LOXL2: variants seen among roughly 807,000 people sequenced by gnomAD.
LOXL2 encodes the protein lysyl oxidase like 2, also known as lysyl oxidase homolog 2.
In LOXL2, 70 loss-of-function variants were observed where a neutral mutation model predicts 93.0. The ratio of observed to expected loss-of-function variants is 0.75; its 90% CI spans 0.62 to 0.92. LOXL2 has a LOEUF of 0.92. Among genes scored for constraint, LOXL2 ranks in the 40% least tolerant of loss-of-function variants. The probability of loss-of-function intolerance (pLI) is 0.00; values close to 1 mark genes in which losing one functional copy is unlikely to be tolerated. For missense variants in LOXL2, 973 were observed against 1,054.9 expected (o/e 0.92, Z 1.08); for synonymous variants, 438 against 413.2 (o/e 1.06, Z -0.73).
chr8:23,349,026 T>C (rs1301113519), intron 3 of LOXL2, among the ~76,000 whole-genome samples: 1 of 152,086 alleles, frequency 6.6e-6, no homozygotes, highest in African/African-American at 2.4e-5. Flanking sequence ...CATCGAGTCA[T>C]TGAGGGATGC....
Position 23,322,166 on chromosome 8 carries a change from C to T in LOXL2, c.1266G>A (p.Val422=). 6.2e-7 allele frequency: 1 copy of T among 1,614,242 alleles called. No homozygotes were observed. The highest frequency in any genetic ancestry group is 8.5e-7 in the Non-Finnish European group (1 of 1,180,040). Residue 422 remains valine (V), a synonymous_variant, in exon 7 of 14, where the codon GTG becomes GTA. Transcript: ENST00000389131. Reference sequence around the variant, plus strand: ...AGCCCATGGCAGGGGTGTTGCATCTCACACCAGCATCCTCCTCGTGGTTGC... The same window carrying T: ...AGCCCATGGCAGGGGTGTTGCATCTTACACCAGCATCCTCCTCGTGGTTGC... ...QGCNHEEDAG[V]RCNTPAMGLQ... is the part of the protein sequence containing the mutation.
Position 23,317,407 on chromosome 8 carries a change from C to T in LOXL2, c.1471-293G>A, listed in dbSNP as rs116596249. 7.7e-3 allele frequency among the ~76,000 whole-genome samples: 1,175 copies of T among 152,262 alleles called. 17 individuals carry two copies. The highest frequency in any genetic ancestry group is 0.027 in the African/African-American group (1,120 of 41,548). Reference sequence around the variant, plus strand: ...CTGTGTGTCAGGAATGGCAGGTGCACACAACTCAGGTTGCCCACTCCCCAG... The same window carrying T: ...CTGTGTGTCAGGAATGGCAGGTGCATACAACTCAGGTTGCCCACTCCCCAG... On this transcript the variant is annotated intron_variant, in intron 8 of 13. Transcript: ENST00000389131.
rs778870446 is a variant in LOXL2, at chr8:23,368,123, C to T, written c.229G>A (p.Asp77Asn). The change falls in exon 2 of 14, where the codon GAT becomes AAT. Residue 77 changes from aspartate (D) to asparagine (N), a missense_variant. Transcript: ENST00000389131. The stretch of plus-strand genomic sequence containing the variant: ...TCGCACACGGTGCCCCACTGGCCAT[C>T]ATAGTACACCTCCACCCGGCCCTCG... ...HSEGRVEVYY[D>N]GQWGTVCDDD... 1.2e-6 allele frequency: 2 copies of T among 1,614,150 alleles called. No homozygotes were observed. The highest frequency in any genetic ancestry group is 4.5e-5 in the East Asian group (2 of 44,878).
At chr8:23,314,623 T>A (rs1357050785) in intron 9 of LOXL2, among the ~76,000 whole-genome samples, 2 of 151,032 alleles carry the variant, frequency 1.3e-5, no homozygotes, top group African/African-American at 2.4e-5. Flanking sequence ...AAGGGGAACA[T>A]CACACTCTGG....
At chr8:23,340,120 A>G (rs1296586275) in intron 4 of LOXL2, among the ~76,000 whole-genome samples, 4 of 152,202 alleles carry the variant, frequency 2.6e-5, no homozygotes, top group African/African-American at 9.7e-5. Flanking sequence ...TCCAGAGGCC[A>G]GGGTGTGCGT....
intron 1 of LOXL2, among the ~76,000 whole-genome samples, chr8:23,389,744 A>T (rs1317667816): frequency 1.3e-5 from 2 of 152,158 alleles, no homozygotes; most frequent in Non-Finnish European, 1.5e-5. Flanking sequence ...TAATATGAGT[A>T]TGTGGGGCAT....
chr8:23,331,401 T>A (rs1803674827), intron 5 of LOXL2: 1 of 152,160 alleles, frequency 6.6e-6, no homozygotes, highest in Non-Finnish European at 1.5e-5. Flanking sequence ...CCTGCCAAGG[T>A]GATGATTACT....
chr8:23,383,683 C>CA (rs1309219025), intron 1 of LOXL2, among the ~76,000 whole-genome samples: 2 of 112,766 alleles, frequency 1.8e-5, no homozygotes, highest in East Asian at 5.6e-4. Flanking sequence ...TTTTTTGAGA[C>CA]AGAGTCTTGC....
chr8:23,402,991 T>A (rs1314137462), intron 1 of LOXL2, among the ~76,000 whole-genome samples: 1 of 151,964 alleles, frequency 6.6e-6, no homozygotes, highest in Non-Finnish European at 1.5e-5. Context: ...GCACTCCGGC[T>A]GTTTTTTGAT....
chr8:23,386,100 C>T lies in LOXL2; in HGVS notation c.-83-17666G>A, dbSNP rs576728789. 3.6e-5 allele frequency: 27 copies of T among 758,376 alleles called. 1 individual carries two copies. In the East Asian group the frequency reaches 6.6e-4, roughly 18 times the overall value. The allele number at this position is 758,376 out of a possible 1,614,324, so 47.0% of individuals were successfully genotyped here. A position where few individuals can be genotyped will look rare whatever the true frequency, so the allele number is the denominator to read the frequency against. On this transcript the variant is annotated intron_variant, in intron 1 of 13. Transcript: ENST00000389131. ...ACATGATTTTCCTATAGTCACACTG[C>T]TAAAAAGTGATCAAGCTGGAATTTG...
intron 3 of LOXL2, among the ~76,000 whole-genome samples, chr8:23,353,112 G>C (rs773837293): frequency 6.6e-6 from 1 of 152,160 alleles, no homozygotes; most frequent in Admixed American, 6.6e-5. Flanking sequence ...CAGCCACAAG[G>C]CTTCCTGTGA....
At chr8:23,372,688 T>A (rs1260974108) in intron 1 of LOXL2, among the ~76,000 whole-genome samples, 1 of 152,164 alleles carries the variant, frequency 6.6e-6, no homozygotes, top group Non-Finnish European at 1.5e-5. Flanking sequence ...TGAAAGTCAA[T>A]CCACCAGGAT....
chr8:23,341,661 A>G (rs2117181963), intron 3 of LOXL2: 3 of 200,692 alleles, frequency 1.5e-5, no homozygotes, highest in Admixed American at 1.1e-4. Flanking sequence ...TTCATCTTTC[A>G]GTAAAACTTG....
At chr8:23,333,667 C>T (rs1333127883) in intron 4 of LOXL2, 44 bp from the exon 5 acceptor site, 2 of 1,501,112 alleles carry the variant, frequency 1.3e-6, no homozygotes, top group African/African-American at 2.7e-5. Flanking sequence ...CATCATGACG[C>T]CTACCCCGAT....
At chr8:23,319,781 C>T in intron 8 of LOXL2, 104 bp downstream of exon 8, 1 of 1,300,888 alleles carries the variant, frequency 7.7e-7, no homozygotes, top group South Asian at 1.3e-5. Flanking sequence ...CTCTGTCCTG[C>T]CTGCACGGCT....
At chr8:23,303,638 G>T (rs1360333987) in intron 10 of LOXL2, among the ~76,000 whole-genome samples, 1 of 152,180 alleles carries the variant, frequency 6.6e-6, no homozygotes, top group Non-Finnish European at 1.5e-5. Context: ...TCTGCTGAAT[G>T]GGAATGATCA....
Position 23,333,463 on chromosome 8 carries a change from C to T in LOXL2, c.904G>A (p.Val302Met), listed in dbSNP as rs1585354843. ...TCAGGGCTGAAGACCTGCCCAGGCA[C>T]ACAACTCACCACGGCCGGTAGCCCA... ...ENGLPAVVSC[V>M]PGQVFSPDGP... Residue 302 changes from valine (V) to methionine (M), a missense_variant, in exon 5 of 14, where the codon GTG (valine) becomes ATG (methionine). Transcript: ENST00000389131. 7 of 1,613,974 alleles carry T rather than the reference C, an allele frequency of 4.3e-6. No homozygotes were observed. The highest frequency in any genetic ancestry group is 2.2e-5 in the East Asian group (1 of 44,886).
chr8:23,307,260 G>C (rs3808520), intron 10 of LOXL2, among the ~76,000 whole-genome samples: 25,491 of 152,114 alleles, frequency 0.17, 2,392 homozygotes, highest in Middle Eastern at 0.25. Flanking sequence ...ACAGCACCTG[G>C]AGAAGTCACC....
At chr8:23,333,890 C>T (rs1352191123) in intron 4 of LOXL2, among the ~76,000 whole-genome samples, 6 of 152,208 alleles carry the variant, frequency 3.9e-5, no homozygotes, top group Non-Finnish European at 4.4e-5. Context: ...AAAGGACTCA[C>T]TCAATGTGGT....
Sources: allele counts gnomAD v4.1 joint callset (sites outside exome capture counted in the v4.1 genomes callset), GRCh38; gene constraint gnomAD v4.1.1; transcripts MANE v1.5; gene names NCBI Gene and HGNC (gene_info 2026-07-23, HGNC 2026-07-21).